The following PAPPA2 variants were observed in gnomAD, a reference collection of about 807,000 sequenced individuals.
The protein encoded by PAPPA2 is pappalysin 2.
Under a neutral mutation model 176.4 loss-of-function variants are expected in PAPPA2, and 86 were observed. That is an observed-to-expected ratio of 0.49 (90% CI 0.41 to 0.58). PAPPA2 has a LOEUF of 0.58. Among genes scored for constraint, PAPPA2 ranks in the 20% least tolerant of loss-of-function variants. The probability of loss-of-function intolerance (pLI) is 0.00; values close to 1 mark genes in which losing one functional copy is unlikely to be tolerated. For synonymous variants in PAPPA2, 809 were observed against 852.2 expected (o/e 0.95, Z 0.88); for missense variants, 2,073 against 2,256.9 (o/e 0.92, Z 1.65).
At chr1:176,769,277 C>T (rs1404841546) in intron 15 of PAPPA2, among the ~76,000 whole-genome samples, 2 of 152,174 alleles carry the variant, frequency 1.3e-5, no homozygotes, top group Non-Finnish European at 2.9e-5. Flanking sequence ...ATGAAACCCA[C>T]TGGAGTCAGT....
chr1:176,845,328 G>A lies in PAPPA2; in HGVS notation c.*2874G>A, dbSNP rs12707. 1 of 152,152 alleles carries A rather than the reference G, an allele frequency of 6.6e-6. No homozygotes were observed. Among genetic ancestry groups the A allele is most frequent in the Non-Finnish European group, 1.5e-5 (1 of 68,034 alleles). 9.4% of individuals were successfully genotyped at this position (152,152 alleles called of 1,614,324 possible). A position where few individuals can be genotyped will look rare whatever the true frequency, so the allele number is the denominator to read the frequency against. On this transcript the variant is annotated 3_prime_UTR_variant, in exon 23 of 23. Coordinates refer to ENST00000367662, the MANE Select transcript of PAPPA2 (RefSeq NM_020318.3). Reference sequence around the variant, plus strand: ...GTAAGGGGACAGGGTGAGGAGAATGGGCAGATACTGACAGAAATTAAAGTA... The same window carrying A: ...GTAAGGGGACAGGGTGAGGAGAATGAGCAGATACTGACAGAAATTAAAGTA...
Position 176,664,954 on chromosome 1 carries a change from T to A in PAPPA2, c.1992-6016T>A, listed in dbSNP as rs1254583947. Among the ~76,000 whole-genome samples, 2 of 152,076 alleles carry A rather than the reference T, an allele frequency of 1.3e-5. 1 individual carries two copies. Among genetic ancestry groups the A allele is most frequent in the Admixed American group, 1.3e-4 (2 of 15,260 alleles). On this transcript the variant is annotated intron_variant, in intron 3 of 22. Coordinates refer to ENST00000367662, the MANE Select transcript of PAPPA2 (RefSeq NM_020318.3). Reference sequence around the variant, plus strand: ...ACCACTATGTCTCTTCTTTCTGGGGTCATCAGCAGTTGGTTGATTGTACTG... The same window carrying A: ...ACCACTATGTCTCTTCTTTCTGGGGACATCAGCAGTTGGTTGATTGTACTG...
chr1:176,841,190 A>C (rs10753139), intron 22 of PAPPA2, among the ~76,000 whole-genome samples: 98,423 of 151,942 alleles, frequency 0.65, 33,265 homozygotes, highest in African/African-American at 0.85. Flanking sequence ...AGAGCTTGGA[A>C]CAAAGGTCAG....
At chr1:176,597,257 G>A (rs943866900) in intron 3 of PAPPA2, among the ~76,000 whole-genome samples, 4 of 152,184 alleles carry the variant, frequency 2.6e-5, no homozygotes, top group South Asian at 4.1e-4. Flanking sequence ...AGGGATGATT[G>A]CAGTAATACC....
At chr1:176,690,042 A>G (rs949674110) in intron 4 of PAPPA2, 95 bp from the exon 5 acceptor site, 1 of 1,185,522 alleles carries the variant, frequency 8.4e-7, no homozygotes, top group African/African-American at 1.5e-5. Flanking sequence ...TTAGAGGCTG[A>G]AATGGAATAT....
intron 1 of PAPPA2, among the ~76,000 whole-genome samples, chr1:176,555,075 T>C (rs988307304): frequency 6.6e-6 from 1 of 151,654 alleles, no homozygotes; most frequent in Non-Finnish European, 1.5e-5. Context: ...TTTTTTGCTA[T>C]TGATTGTGTA....
chr1:176,543,157 C>T (rs944452454), intron 1 of PAPPA2, among the ~76,000 whole-genome samples: 2 of 152,096 alleles, frequency 1.3e-5, no homozygotes, highest in African/African-American at 2.4e-5. Flanking sequence ...CGTTCCCCGT[C>T]GTCTTGGGGG....
rs535171444 is a variant in PAPPA2, at chr1:176,623,747, T to C, written c.1991+28152T>C. Among the ~76,000 whole-genome samples, 151 of 86,330 alleles carry C rather than the reference T, an allele frequency of 1.7e-3. 1 individual carries two copies. The highest frequency in any genetic ancestry group is 2.6e-3 in the Non-Finnish European group (110 of 42,684). 56.6% of individuals were successfully genotyped at this position (86,330 alleles called of 152,430 possible). ...CTTTCTCTTTCTTTCTTTCTCTCTCTTTCCTTCCTTCCTTTCTTTCTTTCT... is the reference window on the plus strand; with the variant it reads ...CTTTCTCTTTCTTTCTTTCTCTCTCCTTCCTTCCTTCCTTTCTTTCTTTCT... On this transcript the variant is annotated intron_variant, in intron 3 of 22. Coordinates refer to ENST00000367662, the MANE Select transcript of PAPPA2 (RefSeq NM_020318.3).
At chr1:176,680,253 TGGA>T (rs1426859495) in intron 4 of PAPPA2, among the ~76,000 whole-genome samples, 1 of 152,152 alleles carries the variant, frequency 6.6e-6, no homozygotes, top group East Asian at 1.9e-4. Flanking sequence ...TATGGAAGTT[TGGA>T]GGAGGAGTTG....
At chr1:176,506,443 A>G (rs1370426883) in intron 1 of PAPPA2, among the ~76,000 whole-genome samples, 2 of 152,078 alleles carry the variant, frequency 1.3e-5, no homozygotes, top group Non-Finnish European at 2.9e-5. Context: ...TGCTATGGGC[A>G]GTATGGCCAT....
At chr1:176,600,038 C>A (rs1196720769) in intron 3 of PAPPA2, among the ~76,000 whole-genome samples, 2 of 151,956 alleles carry the variant, frequency 1.3e-5, no homozygotes, top group African/African-American at 2.4e-5. Context: ...TGACTCTTGG[C>A]AAAAGCAATA....
At chr1:176,678,090 G>C (rs1305913344) in intron 4 of PAPPA2, among the ~76,000 whole-genome samples, 1 of 151,028 alleles carries the variant, frequency 6.6e-6, no homozygotes, top group Non-Finnish European at 1.5e-5. Context: ...AGACACAGGA[G>C]AGCATTCCAG....
intron 3 of PAPPA2, among the ~76,000 whole-genome samples, chr1:176,600,403 G>A (rs564022008): frequency 1.3e-5 from 2 of 152,050 alleles, no homozygotes; most frequent in East Asian, 1.9e-4. Context: ...TCGGCCGGGC[G>A]CGGTGGCTCA....
chr1:176,544,517 G>A (rs189184422), intron 1 of PAPPA2, among the ~76,000 whole-genome samples: 212 of 152,210 alleles, frequency 1.4e-3, no homozygotes, highest in African/African-American at 4.5e-3. Context: ...AGGAAATCCC[G>A]ACTGTTTTTC....
At chr1:176,787,168 G>A (rs764231233) in intron 17 of PAPPA2, among the ~76,000 whole-genome samples, 1 of 151,948 alleles carries the variant, frequency 6.6e-6, no homozygotes. Context: ...GATCAAAAAT[G>A]GCATTTATTT....
Position 176,765,744 on chromosome 1 carries a change from C to A in PAPPA2, c.4230C>A (p.Thr1410=). 2 of 1,614,056 alleles carry A rather than the reference C, an allele frequency of 1.2e-6. No individual in the cohort carries two copies. Among genetic ancestry groups the A allele is most frequent in the Middle Eastern group, 1.6e-4 (1 of 6,062 alleles). Residue 1410 remains threonine, a synonymous_variant, in exon 15 of 23, where the codon ACC becomes ACA. Coordinates refer to ENST00000367662, the MANE Select transcript of PAPPA2 (RefSeq NM_020318.3). ...LLDHADVVNC[T]SIGPGLMKCA... ...ATCATGCTGATGTGGTGAACTGTACCTCTATAGGCCCAGGTCTCATGAAGT... is the reference window on the plus strand; with the variant it reads ...ATCATGCTGATGTGGTGAACTGTACATCTATAGGCCCAGGTCTCATGAAGT...
rs575441828 is a variant in PAPPA2, at chr1:176,466,805, G to A, written c.-917+3387G>A. Among the ~76,000 whole-genome samples the A allele has an allele frequency of 1.4e-4, 22 of 152,252 alleles. No homozygotes were observed. In the South Asian group the frequency reaches 4.6e-3, roughly 32 times the overall value. On this transcript the variant is annotated intron_variant, in intron 1 of 22. Coordinates refer to ENST00000367662, the MANE Select transcript of PAPPA2 (RefSeq NM_020318.3). ...AAAAGGGGATTTGTCATCTTGGAAAGCCAAAAATTCCCTGCAACGTGGAGG... is the reference window on the plus strand; with the variant it reads ...AAAAGGGGATTTGTCATCTTGGAAAACCAAAAATTCCCTGCAACGTGGAGG...
At chr1:176,469,373 G>A (rs141544740) in intron 1 of PAPPA2, among the ~76,000 whole-genome samples, 52 of 152,052 alleles carry the variant, frequency 3.4e-4, no homozygotes, top group African/African-American at 1.2e-3. Context: ...GGAGTGGGTG[G>A]GGTGCCACTG....
chr1:176,618,498 T>C (rs750550987), intron 3 of PAPPA2, among the ~76,000 whole-genome samples: 1 of 152,244 alleles, frequency 6.6e-6, no homozygotes, highest in Non-Finnish European at 1.5e-5. Context: ...TTAGTTGATA[T>C]TTTAATTAAT....
Sources: allele counts gnomAD v4.1 joint callset (sites outside exome capture counted in the v4.1 genomes callset), GRCh38; gene constraint gnomAD v4.1.1; transcripts MANE v1.5; gene names NCBI Gene and HGNC (gene_info 2026-07-23, HGNC 2026-07-21).